HPSE2: variants seen among roughly 807,000 people sequenced by gnomAD.
HPSE2 encodes the protein heparanase 2 (inactive).
Under a neutral mutation model 60.5 loss-of-function variants are expected in HPSE2, and 38 were observed. The observed-to-expected ratio is 0.63, with a 90% CI of 0.48 to 0.82. The LOEUF (loss-of-function observed/expected upper bound fraction) is 0.82, where lower values mean the gene tolerates loss of function less well. Among genes scored for constraint, HPSE2 ranks in the 40% least tolerant of loss-of-function variants. The pLI, the probability that HPSE2 is intolerant of heterozygous loss-of-function variation, is 0.00. For synonymous variants in HPSE2, 295 were observed against 293.2 expected, an observed-to-expected ratio of 1.01 and a Z score of -0.06; for missense variants, 713 against 740.4, an observed-to-expected ratio of 0.96 and a Z score of 0.43.
chr10:98,572,767 G>A (rs769463168), intron 9 of HPSE2, among the ~76,000 whole-genome samples: 22 of 152,160 alleles, frequency 1.4e-4, no homozygotes, highest in Non-Finnish European at 3.2e-4. Context: ...GGCTCCACAT[G>A]CCTCCTGTGT....
Position 99,049,487 on chromosome 10 carries a change from A to T in HPSE2, c.610+94751T>A, listed in dbSNP as rs560172079. ...TAGTATCACAGTCAAATTTTGACAG[A>T]CAAAGGCAAAGTAAACTTTTGAAAG... On this transcript the variant is annotated intron_variant, in intron 3 of 11. Transcript: ENST00000370552. Among the ~76,000 whole-genome samples, 13 of 152,278 alleles carry T rather than the reference A, an allele frequency of 8.5e-5. No individual in the cohort carries two copies. The South Asian group carries it at 2.7e-3, about 32-fold the overall frequency.
At chr10:99,067,037 T>C (rs1842639635) in intron 3 of HPSE2, among the ~76,000 whole-genome samples, 1 of 152,194 alleles carries the variant, frequency 6.6e-6, no homozygotes, top group Non-Finnish European at 1.5e-5. Context: ...GAAGGAGCTA[T>C]AGACCCTATG....
At chr10:99,185,965 C>A (rs535006031) in intron 2 of HPSE2, among the ~76,000 whole-genome samples, 22 of 151,762 alleles carry the variant, frequency 1.4e-4, no homozygotes, top group Non-Finnish European at 2.8e-4. Flanking sequence ...TTGGTATATG[C>A]ATAATTGGAA....
chr10:99,245,353 C>T, the HPSE2 span, among the ~76,000 whole-genome samples: 1 of 152,084 alleles, frequency 6.6e-6, no homozygotes, highest in Non-Finnish European at 1.5e-5. Flanking sequence ...ACAAAGGATA[C>T]CACATTATTT....
chr10:99,008,447 G>T (rs1274004342), intron 3 of HPSE2, among the ~76,000 whole-genome samples: 1 of 152,156 alleles, frequency 6.6e-6, no homozygotes, highest in African/African-American at 2.4e-5. Context: ...GAAAGAAACA[G>T]AAGTCAATTA....
the HPSE2 span, among the ~76,000 whole-genome samples, chr10:99,284,342 T>C: frequency 1.3e-5 from 2 of 152,080 alleles, no homozygotes; most frequent in African/African-American, 2.4e-5. Flanking sequence ...CTTCTCATGA[T>C]AAAACCACTT....
At chr10:98,771,516 A>T (rs1428894598) in intron 3 of HPSE2, among the ~76,000 whole-genome samples, 1 of 152,188 alleles carries the variant, frequency 6.6e-6, no homozygotes, top group Non-Finnish European at 1.5e-5. Context: ...CCTCTCCTGG[A>T]TACCAGGCTG....
At chr10:98,898,930 T>C (rs1211794864) in intron 3 of HPSE2, among the ~76,000 whole-genome samples, 1 of 152,208 alleles carries the variant, frequency 6.6e-6, no homozygotes, top group Admixed American at 6.5e-5. Flanking sequence ...CTGGAACATA[T>C]GTCCATGTAT....
intron 3 of HPSE2, among the ~76,000 whole-genome samples, chr10:98,979,349 A>G (rs1371325181): frequency 6.6e-6 from 1 of 152,162 alleles, no homozygotes; most frequent in East Asian, 1.9e-4. Context: ...TGCATAATGA[A>G]GCTATGGAAA....
chr10:99,184,785 A>AC (rs1847912171), intron 2 of HPSE2, among the ~76,000 whole-genome samples: 2 of 31,860 alleles, frequency 6.3e-5, no homozygotes, highest in African/African-American at 1.4e-4. Flanking sequence ...ACTATCCAAA[A>AC]TTATATATAT....
chr10:98,898,377 G>A (rs1275483694), intron 3 of HPSE2, among the ~76,000 whole-genome samples: 1 of 152,146 alleles, frequency 6.6e-6, no homozygotes, highest in Non-Finnish European at 1.5e-5. Flanking sequence ...ACATCATAAA[G>A]TGGAATCTCA....
chr10:98,938,623 A>C (rs559380594), intron 3 of HPSE2, among the ~76,000 whole-genome samples: 1 of 144,240 alleles, frequency 6.9e-6, no homozygotes, highest in African/African-American at 2.8e-5. Context: ...TGTACCTGAA[A>C]GTGAGGGGGA....
At chr10:98,748,096 C>T (rs555904205) in intron 3 of HPSE2, among the ~76,000 whole-genome samples, 21 of 152,132 alleles carry the variant, frequency 1.4e-4, no homozygotes, top group African/African-American at 4.8e-4. Flanking sequence ...GTCAGGAGTT[C>T]GAGACCAGCC....
chr10:99,066,833 C>G (rs1194349176), intron 3 of HPSE2, among the ~76,000 whole-genome samples: 2 of 152,102 alleles, frequency 1.3e-5, no homozygotes, highest in Middle Eastern at 3.2e-3. Context: ...GCCTTCCCAA[C>G]AGTCCTCCAA....
chr10:99,242,895 T>C, the HPSE2 span, among the ~76,000 whole-genome samples: 5 of 152,210 alleles, frequency 3.3e-5, no homozygotes, highest in Non-Finnish European at 7.3e-5. Flanking sequence ...GTCCTTCTCC[T>C]GGTTGGGTTT....
At chr10:99,092,517 A>C (rs2135600618) in intron 3 of HPSE2, among the ~76,000 whole-genome samples, 2 of 152,284 alleles carry the variant, frequency 1.3e-5, no homozygotes, top group South Asian at 4.1e-4. Context: ...TATTCTGAAA[A>C]CCCTCAGAAA....
At chr10:98,748,597 A>C (rs1949682021) in intron 3 of HPSE2, among the ~76,000 whole-genome samples, 2 of 152,160 alleles carry the variant, frequency 1.3e-5, no homozygotes, top group Admixed American at 6.6e-5. Flanking sequence ...CTGGGACTTG[A>C]GAAAGATGTA....
At chr10:98,685,365 T>A (rs1947887458) in intron 6 of HPSE2, among the ~76,000 whole-genome samples, 1 of 152,192 alleles carries the variant, frequency 6.6e-6, no homozygotes, top group Admixed American at 6.5e-5. Context: ...CAAAACCCTA[T>A]CAAAATGCGG....
intron 3 of HPSE2, among the ~76,000 whole-genome samples, chr10:98,802,268 C>A (rs1368902335): frequency 1.3e-5 from 2 of 149,282 alleles, no homozygotes; most frequent in African/African-American, 4.9e-5. Flanking sequence ...GTGGACTAGG[C>A]AAAATTTCTT....
Sources: gnomAD v4.1 joint callset for allele counts (sites outside exome capture counted in the v4.1 genomes callset) on GRCh38, gnomAD v4.1.1 for gene constraint, MANE v1.5 for transcripts, NCBI Gene and HGNC (gene_info 2026-07-23, HGNC 2026-07-21) for gene names.